Variants in RALYL observed in about 807,000 individuals in gnomAD.
RALYL encodes the protein RNA-binding Raly-like protein.
RALYL carries 29 observed loss-of-function variants against 35.1 expected under a neutral mutation model. The observed-to-expected ratio is 0.83, with a 90% CI of 0.61 to 1.13. RALYL has a LOEUF of 1.13. RALYL is among the 50% of genes most tolerant of loss of function. RALYL has a pLI of 0.00. For synonymous variants in RALYL, 120 were observed against 127.6 expected, an observed-to-expected ratio of 0.94 and a Z score of 0.40; for missense variants, 359 against 360.4, an observed-to-expected ratio of 1.00 and a Z score of 0.03.
At chr8:84,312,466 C>A (rs556912000) in intron 1 of RALYL, among the ~76,000 whole-genome samples, 77 of 152,304 alleles carry the variant, frequency 5.1e-4, no homozygotes, top group Non-Finnish European at 7.9e-4. Context: ...CAAGGCAAGT[C>A]CCTTCCACTT....
At chr8:84,746,620 G>A (rs572036357) in intron 2 of RALYL, among the ~76,000 whole-genome samples, 144 of 151,962 alleles carry the variant, frequency 9.5e-4, no homozygotes, top group African/African-American at 3.3e-3. Flanking sequence ...TAACTTGTGA[G>A]TAGAAAAATA....
chr8:84,638,969 C>CACAG (rs1459790487), intron 2 of RALYL, among the ~76,000 whole-genome samples: 1 of 109,044 alleles, frequency 9.2e-6, no homozygotes, highest in Non-Finnish European at 1.6e-5. Flanking sequence ...CACACAGACA[C>CACAG]ACACACACAC....
chr8:84,681,824 C>T (rs929605500), intron 2 of RALYL, among the ~76,000 whole-genome samples: 1 of 152,092 alleles, frequency 6.6e-6, no homozygotes, highest in African/African-American at 2.4e-5. Context: ...AATTGAATAC[C>T]CTTTATTTCC....
intron 1 of RALYL, among the ~76,000 whole-genome samples, chr8:84,314,132 A>G (rs527369482): frequency 2.0e-5 from 3 of 152,200 alleles, no homozygotes; most frequent in East Asian, 1.9e-4. Context: ...AGTGCAGGGT[A>G]AACACTGGAC....
chr8:84,906,737 C>T (rs1846565792), intron 8 of RALYL, among the ~76,000 whole-genome samples: 1 of 151,792 alleles, frequency 6.6e-6, no homozygotes, highest in African/African-American at 2.4e-5. Flanking sequence ...AGATTTTATC[C>T]AGATAGCATT....
chr8:84,611,754 T>C (rs1818359456), intron 2 of RALYL, among the ~76,000 whole-genome samples: 1 of 152,158 alleles, frequency 6.6e-6, no homozygotes, highest in African/African-American at 2.4e-5. Flanking sequence ...AGAATACTTT[T>C]CACCTACTTT....
chr8:84,304,366 C>G (rs1841401655), intron 1 of RALYL, among the ~76,000 whole-genome samples: 1 of 152,036 alleles, frequency 6.6e-6, no homozygotes, highest in African/African-American at 2.4e-5. Context: ...ATCTGCCCGT[C>G]TCTGCCTCCC....
At chr8:84,845,397 G>A (rs1418227018) in intron 4 of RALYL, among the ~76,000 whole-genome samples, 2 of 152,028 alleles carry the variant, frequency 1.3e-5, no homozygotes, top group Non-Finnish European at 2.9e-5. Flanking sequence ...GTGAGATTGT[G>A]GTTTTGATTT....
At chr8:84,906,211 AT>A in intron 8 of RALYL, among the ~76,000 whole-genome samples, 1 of 152,200 alleles carries the variant, frequency 6.6e-6, no homozygotes, top group South Asian at 2.1e-4. Context: ...TTTCAAGTTT[AT>A]TTTTTAATGC....
chr8:84,919,807 A>AT (rs965165784), intron 8 of RALYL, among the ~76,000 whole-genome samples: 33 of 151,942 alleles, frequency 2.2e-4, no homozygotes, highest in Admixed American at 2.1e-3. Flanking sequence ...AGTTTATTAA[A>AT]TTTTTTTTCA....
chr8:84,312,534 G>A (rs921058661), intron 1 of RALYL, among the ~76,000 whole-genome samples: 3 of 152,154 alleles, frequency 2.0e-5, no homozygotes, highest in Non-Finnish European at 2.9e-5. Flanking sequence ...GGGGGTACAG[G>A]CATTGGGTAC....
chr8:84,383,081 T>C (rs894417005), intron 1 of RALYL, among the ~76,000 whole-genome samples: 1 of 151,850 alleles, frequency 6.6e-6, no homozygotes, highest in Non-Finnish European at 1.5e-5. Context: ...ATTTTGTTTT[T>C]ATTTTTGATA....
At chr8:84,277,160 A>G (rs909064446) in intron 1 of RALYL, among the ~76,000 whole-genome samples, 1 of 152,160 alleles carries the variant, frequency 6.6e-6, no homozygotes, top group Non-Finnish European at 1.5e-5. Context: ...TAATTTATGA[A>G]AGAAAGAGGT....
At chr8:84,600,270 T>C (rs2130728402) in intron 2 of RALYL, among the ~76,000 whole-genome samples, 1 of 152,210 alleles carries the variant, frequency 6.6e-6, no homozygotes, top group African/African-American at 2.4e-5. Flanking sequence ...CGTCCTTTTC[T>C]TTTTTTAATC....
chr8:84,635,176 C>A (rs1044784592), intron 2 of RALYL, among the ~76,000 whole-genome samples: 12 of 151,590 alleles, frequency 7.9e-5, no homozygotes, highest in African/African-American at 2.7e-4. Context: ...ATTTTATTCT[C>A]ACATTTCTAT....
At chr8:84,818,201 T>C (rs926019119) in intron 4 of RALYL, among the ~76,000 whole-genome samples, 30 of 152,048 alleles carry the variant, frequency 2.0e-4, no homozygotes, top group African/African-American at 4.4e-4. Context: ...TAGAGTGATA[T>C]AAAATATGGA....
chr8:84,784,852 C>A (rs1011757490), intron 3 of RALYL, among the ~76,000 whole-genome samples: 2 of 152,108 alleles, frequency 1.3e-5, no homozygotes, highest in African/African-American at 2.4e-5. Context: ...ATGCTTCACA[C>A]GAAAATTCAT....
At chr8:84,623,435 A>G (rs935366631) in intron 2 of RALYL, among the ~76,000 whole-genome samples, 8 of 152,074 alleles carry the variant, frequency 5.3e-5, no homozygotes, top group Admixed American at 5.2e-4. Flanking sequence ...TAAATCTCCA[A>G]AGTAGTGGTC....
intron 1 of RALYL, among the ~76,000 whole-genome samples, chr8:84,189,414 A>G (rs1309000230): frequency 6.6e-6 from 1 of 152,196 alleles, no homozygotes; most frequent in Non-Finnish European, 1.5e-5. Flanking sequence ...TATGCTAAAT[A>G]ATAAGAGGAG....
Sources: allele counts gnomAD v4.1 joint callset (sites outside exome capture counted in the v4.1 genomes callset), GRCh38; gene constraint gnomAD v4.1.1; transcripts MANE v1.5; gene names NCBI Gene and HGNC (gene_info 2026-07-23, HGNC 2026-07-21).